Variants in NID1 observed in about 807,000 individuals in gnomAD.
NID1 encodes the protein nidogen 1.
Under a neutral mutation model 130.6 loss-of-function variants are expected in NID1, and 76 were observed. The ratio of observed to expected loss-of-function variants is 0.58; its 90% CI spans 0.48 to 0.70. NID1 has a LOEUF of 0.70. Ranked by LOEUF, NID1 falls within the 30% of genes least tolerant of loss-of-function variation. NID1 has a pLI of 0.00. For synonymous variants in NID1, 665 were observed against 675.1 expected, an observed-to-expected ratio of 0.98 and a Z score of 0.23; for missense variants, 1,517 against 1,664.8, an observed-to-expected ratio of 0.91 and a Z score of 1.54.
At chr1:236,047,893 G>C (rs1307080718) in intron 2 of NID1, among the ~76,000 whole-genome samples, 1 of 151,774 alleles carries the variant, frequency 6.6e-6, no homozygotes, top group Non-Finnish European at 1.5e-5. Context: ...CAGTGTGGTG[G>C]CCCATGCCTG....
chr1:236,057,412 T>G (rs1659923837), intron 1 of NID1, among the ~76,000 whole-genome samples: 1 of 152,102 alleles, frequency 6.6e-6, no homozygotes, highest in Admixed American at 6.5e-5. Context: ...TACATGCTTT[T>G]GGATCTATGA....
Position 236,048,799 on chromosome 1 carries a change from T to G in NID1, c.416A>C (p.His139Pro). 1 of 1,614,078 alleles carries G rather than the reference T, an allele frequency of 6.2e-7. No homozygotes were observed. The highest frequency in any genetic ancestry group is 8.5e-7 in the Non-Finnish European group (1 of 1,180,012). ...GAAAGAGATCTCCGGGAACCCTCTG[T>G]GGACACACTCTGCTGCTCGCTGAGT... is the stretch of plus-strand genomic sequence containing the variant. Reference protein sequence around the residue: ...SITQRAAECVHRGFPEISFQP... With the variant: ...SITQRAAECVPRGFPEISFQP... The change falls in exon 2 of 20, where the codon CAC becomes CCC. Residue 139 changes from histidine (H) to proline (P), a missense_variant. By Grantham distance (77) the His-to-Pro change is moderately conservative. Around this residue, in one of 3 missense-constraint regions of NID1, gnomAD observed 1,329 missense variants for 1,429.2 expected, o/e 0.93. Coordinates refer to ENST00000264187, the MANE Select transcript of NID1 (RefSeq NM_002508.3).
chr1:236,009,392 A>C (rs1004918288), intron 12 of NID1, among the ~76,000 whole-genome samples: 3 of 152,224 alleles, frequency 2.0e-5, no homozygotes, highest in African/African-American at 7.2e-5. Context: ...TCTGTTGTTT[A>C]TAAACTCCCA....
At chr1:236,040,662 C>CTT (rs36050664) in intron 4 of NID1, among the ~76,000 whole-genome samples, 110 of 143,410 alleles carry the variant, frequency 7.7e-4, no homozygotes, top group Middle Eastern at 3.6e-3. Context: ...GTTGGAACAT[C>CTT]TTTTTTTTTT....
At chr1:236,049,437 G>T (rs767252566) in intron 1 of NID1, among the ~76,000 whole-genome samples, 5 of 152,078 alleles carry the variant, frequency 3.3e-5, no homozygotes, top group African/African-American at 1.2e-4. Flanking sequence ...CCATGATCAC[G>T]CCAGTGCACT....
rs1659575568 is a variant in NID1 at position 236,045,499 on chromosome 1, T to C, written c.710A>G (p.Asn237Ser). The change falls in exon 3 of 20, where the codon AAC becomes AGC. Residue 237 changes from asparagine (N) to serine (S), a missense_variant. By Grantham distance (46) the Asn-to-Ser change is conservative (BLOSUM62 1). Around this residue, in one of 3 missense-constraint regions of NID1, gnomAD observed 1,329 missense variants for 1,429.2 expected, o/e 0.93. Coordinates refer to ENST00000264187, the MANE Select transcript of NID1 (RefSeq NM_002508.3). Reference sequence around the variant, plus strand: ...TGATTCCCTGTCATTAGCAAATATGTTATAAGCTCCGTTGCTCTTCCATAA... The same window carrying C: ...TGATTCCCTGTCATTAGCAAATATGCTATAAGCTCCGTTGCTCTTCCATAA... ...GFLWKSNGAYNIFANDRESVE... is the reference protein window; with the variant it reads ...GFLWKSNGAYSIFANDRESVE... 1.2e-6 allele frequency: 2 copies of C among 1,614,168 alleles called. No individual in the cohort carries two copies. Among genetic ancestry groups the C allele is most frequent in the Non-Finnish European group, 1.7e-6 (2 of 1,180,038 alleles).
intron 1 of NID1, among the ~76,000 whole-genome samples, chr1:236,063,481 AAT>A (rs751235895): frequency 9.6e-4 from 137 of 143,386 alleles, no homozygotes; most frequent in Middle Eastern, 3.5e-3. Context: ...CAAAAAAAAA[AAT>A]AAATAAATAA....
Position 236,048,707 on chromosome 1 carries a change from G to C in NID1, c.508C>G (p.Pro170Ala). 4 of 1,611,224 alleles carry C rather than the reference G, an allele frequency of 2.5e-6. No homozygotes were observed. The highest frequency in any genetic ancestry group is 3.4e-6 in the Non-Finnish European group (4 of 1,179,732). The change falls in exon 2 of 20, where the codon CCA becomes GCA. Residue 170 changes from proline (P) to alanine (A), a missense_variant. Pro to Ala is a conservative substitution (Grantham distance 27, BLOSUM62 -1). Around this residue, in one of 3 missense-constraint regions of NID1, gnomAD observed 1,329 missense variants for 1,429.2 expected, o/e 0.93. Coordinates refer to ENST00000264187, the MANE Select transcript of NID1 (RefSeq NM_002508.3). The stretch of plus-strand genomic sequence containing the variant: ...GAGCTTACCTTGCCTTTCTGGTCTG[G>C]GTCCCTGCTGGGCCCTTGGTAGGGG... The part of the protein sequence containing the change: ...VAPYQGPSRD[P>A]DQKGKRNTFQ...
At chr1:235,994,182 G>T (rs182198146) in intron 12 of NID1, among the ~76,000 whole-genome samples, 1 of 152,132 alleles carries the variant, frequency 6.6e-6, no homozygotes, top group African/African-American at 2.4e-5. Flanking sequence ...ACTTTTTTGC[G>T]ATGGCGTTTC....
At position 236,008,757 on chromosome 1, in the gene NID1, C is replaced by T. The variant is rs921558712; in HGVS notation, c.2527+3164G>A. Among the ~76,000 whole-genome samples the T allele has an allele frequency of 2.6e-5, 4 of 152,004 alleles. 1 individual carries two copies. Among genetic ancestry groups the T allele is most frequent in the South Asian group, 4.2e-4 (2 of 4,812 alleles). On this transcript the variant is annotated intron_variant, in intron 12 of 19. Transcript: ENST00000264187. ...TCTCGGATCACCGCAACCTCTGCCC[C>T]CCAGGTTCAAGTGATTCTCCTGCTT...
At chr1:236,012,235 G>A (rs1334730184) in intron 11 of NID1, among the ~76,000 whole-genome samples, 192 bp from the exon 12 acceptor site, 1 of 152,132 alleles carries the variant, frequency 6.6e-6, no homozygotes, top group East Asian at 1.9e-4. Context: ...TTGCAAATGT[G>A]TTTCACTTTG....
At chr1:235,986,427 C>G (rs901882005) in intron 14 of NID1, among the ~76,000 whole-genome samples, 1 of 67,848 alleles carries the variant, frequency 1.5e-5, no homozygotes, top group Non-Finnish European at 2.9e-5. Context: ...ATAATTGTGA[C>G]AGCATCAAAA....
Position 236,029,639 on chromosome 1 carries a change from G to A in NID1, c.1649C>T (p.Thr550Met), listed in dbSNP as rs767774351. ...IDEHGHLTID[T>M]ELEGRVPQIP... ...CTGCGGCACGCGGCCCTCCAGCTCC[G>A]TGTCGATGGTCAGGTGCCCATGCTC... Residue 550 changes from threonine (T) to methionine (M), a missense_variant, in exon 7 of 20, where the codon ACG (threonine) becomes ATG (methionine). Thr to Met is a moderately conservative substitution (Grantham distance 81). This residue lies in a region of NID1 where 1,329 missense variants were observed against 1,429.2 expected (regional missense o/e 0.93). Coordinates refer to ENST00000264187, the MANE Select transcript of NID1 (RefSeq NM_002508.3). 3.0e-5 allele frequency: 48 copies of A among 1,612,568 alleles called. No individual in the cohort carries two copies. The highest frequency in any genetic ancestry group is 2.2e-4 in the East Asian group (10 of 44,868).
rs927908679 is a variant in NID1 at position 235,977,884 on chromosome 1, A to G, written c.3727T>C (p.Cys1243Arg). 1 of 1,614,168 alleles carries G rather than the reference A, an allele frequency of 6.2e-7. No homozygotes were observed. Among genetic ancestry groups the G allele is most frequent in the Non-Finnish European group, 8.5e-7 (1 of 1,180,006 alleles). The change falls in exon 20 of 20, where the codon TGT (cysteine) becomes CGT (arginine). Residue 1243 changes from cysteine to arginine, a missense_variant. Cys to Arg is a radical substitution (Grantham distance 180). Transcript: ENST00000264187. The part of the protein sequence containing the change: ...RCPDNTLGVD[C>R]IEQK ...TCTTGTCTTCATTTCTGTTCGATAC[A>G]GTCAACTCCCAAGGTGTTGTCAGGG... is the stretch of plus-strand genomic sequence containing the variant.
chr1:235,991,061 G>C lies in NID1; in HGVS notation c.2756-3C>G. 4 of 1,578,496 alleles carry C rather than the reference G, an allele frequency of 2.5e-6. No homozygotes were observed. Among genetic ancestry groups the C allele is most frequent in the Non-Finnish European group, 3.4e-6 (4 of 1,163,648 alleles). On this transcript the variant is annotated splice_region_variant and splice_polypyrimidine_tract_variant and intron_variant, in intron 13 of 19. Transcript: ENST00000264187. ...CGGGGGAGCCACTGTACTCAGACCT[G>C]CATGGCAGAGGGGGTCAGTGAGGGA... is the stretch of plus-strand genomic sequence containing the variant.
chr1:235,989,116 C>T (rs868109321), intron 14 of NID1, among the ~76,000 whole-genome samples: 5 of 147,238 alleles, frequency 3.4e-5, no homozygotes, highest in Middle Eastern at 3.5e-3. Context: ...ATTCTGTTGC[C>T]CAGGATCTCA....
At chr1:236,022,788 C>T (rs1051689175) in intron 9 of NID1, among the ~76,000 whole-genome samples, 14 of 151,156 alleles carry the variant, frequency 9.3e-5, no homozygotes, top group East Asian at 2.0e-4. Context: ...AAAGGCCAGG[C>T]GTGGCAGCTC....
intron 1 of NID1, among the ~76,000 whole-genome samples, chr1:236,051,731 C>G (rs1428870911): frequency 6.6e-6 from 1 of 152,194 alleles, no homozygotes; most frequent in Non-Finnish European, 1.5e-5. Flanking sequence ...CTCACTCTCT[C>G]GAGCCGCCAG....
chr1:235,992,276 C>A (rs1657771955), intron 13 of NID1, among the ~76,000 whole-genome samples: 1 of 152,202 alleles, frequency 6.6e-6, no homozygotes, highest in East Asian at 1.9e-4. Context: ...ACAAACCAAT[C>A]TGGTCAACCT....
Sources: allele counts gnomAD v4.1 joint callset (sites outside exome capture counted in the v4.1 genomes callset), GRCh38; gene constraint gnomAD v4.1.1; regional missense constraint gnomAD v4.1.1; transcripts MANE v1.5; gene names NCBI Gene and HGNC (gene_info 2026-07-23, HGNC 2026-07-21).